SP100: variants seen among roughly 807,000 people sequenced by gnomAD.
SP100 encodes the protein SP100 nuclear body protein.
SP100 carries 84 observed loss-of-function variants against 130.0 expected under a neutral mutation model. The observed-to-expected ratio is 0.65, with a 90% CI of 0.54 to 0.77. The LOEUF is 0.77. Ranked by LOEUF, SP100 falls within the 30% of genes least tolerant of loss-of-function variation. SP100 has a pLI of 0.00. For synonymous variants in SP100, 331 were observed against 351.7 expected, an observed-to-expected ratio of 0.94 and a Z score of 0.66; for missense variants, 978 against 1,052.2, an observed-to-expected ratio of 0.93 and a Z score of 0.97.
At chr2:230,513,133 C>T (rs983906710) in intron 24 of SP100, among the ~76,000 whole-genome samples, 1 of 152,142 alleles carries the variant, frequency 6.6e-6, no homozygotes, top group Non-Finnish European at 1.5e-5. Flanking sequence ...GGTCCTTATC[C>T]CGGAAGTTGG....
Position 230,449,103 on chromosome 2 carries a change from C to G in SP100, c.539C>G (p.Ser180Cys), listed in dbSNP as rs758441160. The change falls in exon 6 of 29, where the codon TCT (serine) becomes TGT (cysteine). Residue 180 changes from serine to cysteine, a missense_variant. Physicochemically the swap from Ser to Cys is moderately radical, Grantham distance 112. Transcript: ENST00000340126. ...LSLEQGTGEN[S>C]FRSLTWPPSG... Reference sequence around the variant, plus strand: ...TTCCTGCCAGGAACTGGTGAAAACTCTTTTCGAAGCCTGACTTGGCCACCT... The same window carrying G: ...TTCCTGCCAGGAACTGGTGAAAACTGTTTTCGAAGCCTGACTTGGCCACCT... The G allele has an allele frequency of 6.2e-7, 1 of 1,609,976 alleles. No homozygotes were observed. The highest frequency in any genetic ancestry group is 1.7e-5 in the Admixed American group (1 of 60,024).
At chr2:230,442,188 A>C (rs984415275) in intron 2 of SP100, among the ~76,000 whole-genome samples, 1 of 152,244 alleles carries the variant, frequency 6.6e-6, no homozygotes, top group South Asian at 2.1e-4. Flanking sequence ...GATGTTGACT[A>C]AAACATTATC....
chr2:230,476,489 T>C (rs1012097128), intron 17 of SP100, among the ~76,000 whole-genome samples: 2 of 152,226 alleles, frequency 1.3e-5, no homozygotes, highest in Non-Finnish European at 2.9e-5. Context: ...CATTTATTTT[T>C]TTCAAAATGC....
At chr2:230,425,478 G>A (rs942022316) in intron 2 of SP100, among the ~76,000 whole-genome samples, 8 of 152,088 alleles carry the variant, frequency 5.3e-5, no homozygotes, top group African/African-American at 1.9e-4. Context: ...GGATGCTGAA[G>A]TTTTCAAATC....
chr2:230,436,999 TAC>T (rs1036403193), intron 2 of SP100, among the ~76,000 whole-genome samples: 1 of 135,584 alleles, frequency 7.4e-6, no homozygotes, highest in Non-Finnish European at 1.6e-5. Context: ...TATATGTGTA[TAC>T]ACACACACAC....
intron 16 of SP100, 55 bp downstream of exon 16, chr2:230,473,495 C>T: frequency 9.4e-7 from 1 of 1,067,272 alleles, no homozygotes; most frequent in Non-Finnish European, 1.5e-6. Flanking sequence ...ATCACAGACA[C>T]TGGGTAGGGA....
chr2:230,469,780 TAAA>T (rs372197214), intron 14 of SP100: 17 of 1,129,562 alleles, frequency 1.5e-5, no homozygotes, highest in Admixed American at 1.1e-4. Flanking sequence ...TTCCCAAAGT[TAAA>T]AAAAAAAAAG....
intron 17 of SP100, among the ~76,000 whole-genome samples, chr2:230,488,410 G>T (rs2066224319): frequency 6.6e-6 from 1 of 151,998 alleles, no homozygotes; most frequent in African/African-American, 2.4e-5. Context: ...GGTTTTTGTT[G>T]TTTTTGTTGT....
intron 2 of SP100, among the ~76,000 whole-genome samples, chr2:230,424,668 CAAA>C (rs770362175): frequency 9.0e-6 from 1 of 111,720 alleles, no homozygotes; most frequent in Admixed American, 9.6e-5. Flanking sequence ...GACTCCATCT[CAAA>C]AAAAAAAAAA....
At chr2:230,494,666 A>G (rs1362798042) in intron 18 of SP100, among the ~76,000 whole-genome samples, 1 of 152,230 alleles carries the variant, frequency 6.6e-6, no homozygotes, top group Non-Finnish European at 1.5e-5. Flanking sequence ...AGAGCCCAGA[A>G]GTGGTAGGCA....
intron 15 of SP100, among the ~76,000 whole-genome samples, chr2:230,472,427 C>CAAAAAAAAAA (rs201703163): frequency 1.5e-4 from 9 of 61,318 alleles, no homozygotes; most frequent in East Asian, 7.8e-4. Context: ...GACTCCGTCT[C>CAAAAAAAAAA]AAAAAAAAAA....
rs1335289902 is a variant in SP100, at chr2:230,545,056, A to G, written c.*2110A>G. On this transcript the variant is annotated 3_prime_UTR_variant, in exon 29 of 29. Transcript: ENST00000340126. ...TCATAGTGCTAAAAGCAGAACTGCC[A>G]TTCCACCCAGCAATCCCATTACTGG... Among the ~76,000 whole-genome samples the G allele has an allele frequency of 1.3e-5, 2 of 152,248 alleles. No individual in the cohort carries two copies. The highest frequency in any genetic ancestry group is 2.4e-5 in the African/African-American group (1 of 41,460).
At chr2:230,466,743 C>G (rs1396380491) in intron 12 of SP100, among the ~76,000 whole-genome samples, 1 of 152,132 alleles carries the variant, frequency 6.6e-6, no homozygotes, top group East Asian at 1.9e-4. Context: ...TTCATGGTTG[C>G]CCTGAGAGAG....
intron 9 of SP100, 146 bp from the exon 10 acceptor site, chr2:230,462,289 G>C (rs1406150754): frequency 1.7e-6 from 1 of 582,896 alleles, no homozygotes; most frequent in Non-Finnish European, 3.1e-6. Flanking sequence ...ACAAACTGCA[G>C]GTGGCATGCA....
intron 17 of SP100, among the ~76,000 whole-genome samples, 177 bp from the exon 18 acceptor site, chr2:230,494,239 T>G (rs1278652282): frequency 6.6e-6 from 1 of 152,054 alleles, no homozygotes; most frequent in East Asian, 1.9e-4. Context: ...ACAGGTTGCT[T>G]TGTGGTTATT....
Position 230,539,346 on chromosome 2 carries a change from A to T in SP100, c.2174A>T (p.His725Leu), listed in dbSNP as rs771857522. ...FCCDTCPRSF[H>L]EHCHIPSVEA... ...TGCGACACTTGTCCAAGATCCTTTC[A>T]TGAGCACTGCCACATCCCATCCGTG... The change falls in exon 25 of 29, where the codon CAT becomes CTT. Residue 725 changes from histidine (H) to leucine (L), a missense_variant. His to Leu is a moderately conservative substitution (Grantham distance 99). Coordinates refer to ENST00000340126, the MANE Select transcript of SP100 (RefSeq NM_001080391.2). The T allele has an allele frequency of 6.2e-7, 1 of 1,613,740 alleles. No homozygotes were observed. The highest frequency in any genetic ancestry group is 1.3e-5 in the African/African-American group (1 of 74,900).
intron 17 of SP100, among the ~76,000 whole-genome samples, chr2:230,483,474 A>C (rs1313351693): frequency 6.6e-6 from 1 of 152,246 alleles, no homozygotes; most frequent in African/African-American, 2.4e-5. Flanking sequence ...TATAGAACTT[A>C]TAGGCCATGG....
rs531043915 is a variant in SP100, at chr2:230,506,824, C to CACACAT, written c.2013+380_2013+381insCACATA. 4.4e-3 allele frequency: 671 copies of CACACAT among 151,874 alleles called. 13 individuals carry two copies. The East Asian group carries it at 0.048, about 11-fold the overall frequency. 9.4% of individuals were successfully genotyped at this position (151,874 alleles called of 1,614,324 possible). On this transcript the variant is annotated intron_variant, in intron 22 of 28. Coordinates refer to ENST00000340126, the MANE Select transcript of SP100 (RefSeq NM_001080391.2). ...ACACACACACACACACACACACACACATATTTAACATATATATATGTAGTT... is the reference window on the plus strand; with the variant it reads ...ACACACACACACACACACACACACACACACATATATTTAACATATATATATGTAGTT...
intron 24 of SP100, among the ~76,000 whole-genome samples, chr2:230,534,945 C>T (rs1458584933): frequency 6.6e-6 from 1 of 152,108 alleles, no homozygotes; most frequent in Non-Finnish European, 1.5e-5. Flanking sequence ...GCCTGTAATC[C>T]CAGCACTTTG....
Sources: gnomAD v4.1 joint callset for allele counts (sites outside exome capture counted in the v4.1 genomes callset) on GRCh38, gnomAD v4.1.1 for gene constraint, MANE v1.5 for transcripts, NCBI Gene and HGNC (gene_info 2026-07-23, HGNC 2026-07-21) for gene names.